Variants in SNX10 observed in about 807,000 individuals in gnomAD.
SNX10 encodes sorting nexin 10.
A neutral mutation model predicts 28.5 loss-of-function variants in SNX10; 25 were observed. The observed-to-expected ratio is 0.88, with a 90% CI of 0.64 to 1.22. SNX10 has a LOEUF of 1.22. SNX10 is among the 50% of genes most tolerant of loss of function. SNX10 has a pLI of 0.00. For missense variants in SNX10, 223 were observed against 242.6 expected (o/e 0.92, Z 0.54); for synonymous variants, 62 against 81.4 (o/e 0.76, Z 1.28).
chr7:26,298,086 C>T (rs539986778), intron 1 of SNX10, among the ~76,000 whole-genome samples: 1 of 152,250 alleles, frequency 6.6e-6, no homozygotes, highest in South Asian at 2.1e-4. Context: ...CAAAAATTAG[C>T]TGGGCATGGT....
chr7:26,363,821 T>A (rs1371544568), intron 3 of SNX10, among the ~76,000 whole-genome samples: 1 of 152,190 alleles, frequency 6.6e-6, no homozygotes, highest in Admixed American at 6.5e-5. Flanking sequence ...TTATCAATCC[T>A]CACAACCACC....
chr7:26,320,753 C>A (rs1306248316), intron 1 of SNX10, among the ~76,000 whole-genome samples: 2 of 152,142 alleles, frequency 1.3e-5, no homozygotes, highest in Non-Finnish European at 1.5e-5. Context: ...TCTATGCATA[C>A]AAGCATGTAT....
chr7:26,324,534 T>C (rs998893593), intron 1 of SNX10, among the ~76,000 whole-genome samples: 13 of 152,096 alleles, frequency 8.5e-5, no homozygotes, highest in African/African-American at 2.9e-4. Flanking sequence ...AATTTTTAAA[T>C]TGTTTTTGTA....
chr7:26,311,973 T>C (rs1786869731), intron 1 of SNX10, among the ~76,000 whole-genome samples: 1 of 152,108 alleles, frequency 6.6e-6, no homozygotes, highest in African/African-American at 2.4e-5. Flanking sequence ...TGGGCAGTGA[T>C]TTAACTTCTC....
At chr7:26,365,216 T>C in intron 5 of SNX10, 71 bp downstream of exon 5, 1 of 892,920 alleles carries the variant, frequency 1.1e-6, no homozygotes, top group Non-Finnish European at 1.9e-6. Context: ...TGCATGGTGG[T>C]GTGGGGAAGA....
In SNX10 at chr7:26,364,957, A is replaced by G. The variant is rs988215872; in HGVS notation, c.213-90A>G. Reference sequence around the variant, plus strand: ...GAATAACTGTGTGATAATAATCATCATACATAATTTGCCTTCACTTTGAGG... The same window carrying G: ...GAATAACTGTGTGATAATAATCATCGTACATAATTTGCCTTCACTTTGAGG... On this transcript the variant is annotated intron_variant, in intron 4 of 6. Transcript: ENST00000338523. This position sits in a 1 kb window ranked among gnomAD's most constrained non-coding sequence, Gnocchi z 4.9. The G allele has an allele frequency of 7.0e-6, 5 of 716,348 alleles. No individual in the cohort carries two copies. The highest frequency in any genetic ancestry group is 1.8e-5 in the African/African-American group (1 of 56,700). 44.4% of individuals were successfully genotyped at this position (716,348 alleles called of 1,614,324 possible).
chr7:26,312,792 G>C (rs1786901447), intron 1 of SNX10, among the ~76,000 whole-genome samples: 1 of 152,046 alleles, frequency 6.6e-6, no homozygotes, highest in Admixed American at 6.6e-5. Flanking sequence ...TCAAAAAAAA[G>C]AAAATAGTGG....
chr7:26,351,656 T>G (rs976951355), intron 2 of SNX10, among the ~76,000 whole-genome samples: 15 of 82,678 alleles, frequency 1.8e-4, no homozygotes, highest in African/African-American at 4.8e-4. Flanking sequence ...GTTTTTTTTT[T>G]TTGTTTTTTT....
chr7:26,342,511 T>A lies in SNX10; in HGVS notation c.-23-3909T>A, dbSNP rs147976747. Among the ~76,000 whole-genome samples, 937 of 152,362 alleles carry A rather than the reference T, an allele frequency of 6.1e-3. 9 individuals carry two copies. The highest frequency in any genetic ancestry group is 0.021 in the African/African-American group (878 of 41,586). On this transcript the variant is annotated intron_variant, in intron 1 of 6. Transcript: ENST00000338523. ...TAAAGGTAGCATCTCTTAATACATT[T>A]GAATTTGCTATTTATTTTACATGAA...
chr7:26,349,318 G>A (rs1450208958), intron 2 of SNX10, among the ~76,000 whole-genome samples: 1 of 151,792 alleles, frequency 6.6e-6, no homozygotes, highest in Non-Finnish European at 1.5e-5. Context: ...TGTCTAAATG[G>A]TAGTACTGAC....
Position 26,365,066 on chromosome 7 carries a change from T to C in SNX10, c.232T>C (p.Ser78Pro). ...ALLVQLPELPSKNLFFNMNNR... is the reference protein window; with the variant it reads ...ALLVQLPELPPKNLFFNMNNR... ...CCTAAGACAACTGCCAGAACTTCCA[T>C]CTAAAAACCTGTTTTTCAACATGAA... Residue 78 changes from serine (S) to proline (P), a missense_variant, in exon 5 of 7, where the codon TCT becomes CCT. Ser to Pro is a moderately conservative substitution (Grantham distance 74). Transcript: ENST00000338523. The C allele has an allele frequency of 6.2e-7, 1 of 1,610,062 alleles. No homozygotes were observed. The highest frequency in any genetic ancestry group is 8.5e-7 in the Non-Finnish European group (1 of 1,176,390).
chr7:26,332,123 A>G (rs1026689693), intron 1 of SNX10, among the ~76,000 whole-genome samples: 1 of 152,216 alleles, frequency 6.6e-6, no homozygotes, highest in African/African-American at 2.4e-5. Flanking sequence ...TGCCAAGTCA[A>G]ATGGTGACTG....
intron 2 of SNX10, among the ~76,000 whole-genome samples, chr7:26,354,677 G>A (rs2699805): frequency 0.31 from 45,008 of 144,332 alleles, 7,945 homozygotes; most frequent in Non-Finnish European, 0.41. Context: ...CACCTCACCC[G>A]TCTGATAGTT....
At chr7:26,371,768 C>A in intron 5 of SNX10, 53 bp from the exon 6 acceptor site, 1 of 1,268,048 alleles carries the variant, frequency 7.9e-7, no homozygotes. Flanking sequence ...TTCTTCTACC[C>A]TATCACTGAC....
At chr7:26,333,805 T>A (rs1787830132) in intron 1 of SNX10, among the ~76,000 whole-genome samples, 1 of 152,148 alleles carries the variant, frequency 6.6e-6, no homozygotes, top group South Asian at 2.1e-4. Flanking sequence ...TTTTTCACAA[T>A]CCTTGGGTAA....
chr7:26,299,306 C>T (rs1392612903), intron 1 of SNX10, among the ~76,000 whole-genome samples: 1 of 152,084 alleles, frequency 6.6e-6, no homozygotes, highest in Admixed American at 6.5e-5. Context: ...AGCGATTCTT[C>T]TGCCTCAGCC....
chr7:26,296,293 C>G (rs1786108322), intron 1 of SNX10, among the ~76,000 whole-genome samples: 2 of 152,040 alleles, frequency 1.3e-5, no homozygotes, highest in African/African-American at 4.8e-5. Context: ...TGGCTCACAC[C>G]TGTAATTTTA....
rs1272770297 is a variant in SNX10, at chr7:26,361,000, A to T, written c.50A>T (p.Asp17Val). Reference sequence around the variant, plus strand: ...GAATTTGTAAGTGTCTGGGTTCGAGATCCTAGGATTCAGAAGGAGGACTTC... The same window carrying T: ...GAATTTGTAAGTGTCTGGGTTCGAGTTCCTAGGATTCAGAAGGAGGACTTC... The part of the protein sequence containing the change: ...KEEFVSVWVR[D>V]PRIQKEDFWH... The change falls in exon 3 of 7, where the codon GAT (aspartate) becomes GTT (valine). Residue 17 changes from aspartate to valine, a missense_variant. Asp to Val is a radical substitution (Grantham distance 152, BLOSUM62 -3). Coordinates refer to ENST00000338523, the MANE Select transcript of SNX10 (RefSeq NM_013322.3). 1 of 1,612,980 alleles carries T rather than the reference A, an allele frequency of 6.2e-7. No homozygotes were observed. Among genetic ancestry groups the T allele is most frequent in the Non-Finnish European group, 8.5e-7 (1 of 1,179,508 alleles).
intron 2 of SNX10, among the ~76,000 whole-genome samples, chr7:26,350,944 C>CT (rs371600901): frequency 6.0e-5 from 9 of 149,164 alleles, no homozygotes; most frequent in East Asian, 2.0e-4. Context: ...ATCTTCATTC[C>CT]TTTTTTTTTT....
Sources: allele counts gnomAD v4.1 joint callset (sites outside exome capture counted in the v4.1 genomes callset), GRCh38; gene constraint gnomAD v4.1.1; non-coding constraint Gnocchi (gnomAD v3.1); transcripts MANE v1.5; gene names NCBI Gene and HGNC (gene_info 2026-07-23, HGNC 2026-07-21).